The following SLC17A8 variants were observed in gnomAD, a reference collection of about 807,000 sequenced individuals.
SLC17A8 encodes vesicular glutamate transporter 3.
A neutral mutation model predicts 58.0 loss-of-function variants in SLC17A8; 31 were observed. The ratio of observed to expected loss-of-function variants is 0.53; its 90% CI spans 0.40 to 0.72. SLC17A8 has a LOEUF of 0.72. Ranked by LOEUF, SLC17A8 falls within the 30% of genes least tolerant of loss-of-function variation. The pLI, the probability that SLC17A8 is intolerant of heterozygous loss-of-function variation, is 0.00. For missense variants in SLC17A8, 655 were observed against 727.8 expected, an observed-to-expected ratio of 0.90 and a Z score of 1.15; for synonymous variants, 228 against 249.0, an observed-to-expected ratio of 0.92 and a Z score of 0.79.
In SLC17A8 at chr12:100,418,935, C is replaced by T. The variant is rs188632334; in HGVS notation, c.1425+779C>T. Among the ~76,000 whole-genome samples, 22 of 152,294 alleles carry T rather than the reference C, an allele frequency of 1.4e-4. No individual in the cohort carries two copies. In the East Asian group the frequency reaches 3.9e-3, roughly 27 times the overall value. ...AGAATTCATGTTTTCCATCTCTGTTCATGAAATGATAGGATTGATAACCTG... is the reference window on the plus strand; with the variant it reads ...AGAATTCATGTTTTCCATCTCTGTTTATGAAATGATAGGATTGATAACCTG... On this transcript the variant is annotated intron_variant, in intron 11 of 11. Transcript: ENST00000323346.
intron 5 of SLC17A8, among the ~76,000 whole-genome samples, chr12:100,400,549 C>T (rs914521675): frequency 2.0e-5 from 3 of 152,068 alleles, no homozygotes; most frequent in Non-Finnish European, 4.4e-5. Context: ...GGCCTTTCAC[C>T]GAGGGTCAGG....
chr12:100,375,914 T>C (rs1046797832), intron 1 of SLC17A8, among the ~76,000 whole-genome samples: 1 of 152,204 alleles, frequency 6.6e-6, no homozygotes, highest in Non-Finnish European at 1.5e-5. Flanking sequence ...AAATTCATTA[T>C]GGTGAAATTC....
chr12:100,413,554 G>T (rs1421287738), intron 10 of SLC17A8, among the ~76,000 whole-genome samples: 1 of 152,136 alleles, frequency 6.6e-6, no homozygotes, highest in Non-Finnish European at 1.5e-5. Flanking sequence ...CCATTTTACA[G>T]GAGCAGAAAC....
At chr12:100,393,068 T>C (rs1952727876) in intron 3 of SLC17A8, among the ~76,000 whole-genome samples, 1 of 152,126 alleles carries the variant, frequency 6.6e-6, no homozygotes, top group Non-Finnish European at 1.5e-5. Context: ...TAGCTTGGGG[T>C]GCACTAGACC....
intron 11 of SLC17A8, among the ~76,000 whole-genome samples, chr12:100,419,547 G>T (rs187654232): frequency 8.0e-5 from 12 of 150,806 alleles, no homozygotes; most frequent in Admixed American, 4.6e-4. Flanking sequence ...AAAAAAAAAA[G>T]AATTTTCTAA....
At chr12:100,386,651 A>G (rs1473215165) in intron 2 of SLC17A8, among the ~76,000 whole-genome samples, 5 of 151,852 alleles carry the variant, frequency 3.3e-5, no homozygotes. Flanking sequence ...TCTTCTTTAT[A>G]AAAGATGAAT....
chr12:100,401,846 C>T lies in SLC17A8; in HGVS notation c.746C>T (p.Ser249Phe), dbSNP rs1383445746. 1 of 1,613,774 alleles carries T rather than the reference C, an allele frequency of 6.2e-7. No homozygotes were observed. The highest frequency in any genetic ancestry group is 1.7e-5 in the Admixed American group (1 of 60,014). ...GVLVQYIGWS[S>F]VFYIYGMFGI... ...TTGGTGCAGTACATTGGATGGTCCT[C>T]TGTCTTTTATATTTATGGTGAGTGA... Residue 249 changes from serine (S) to phenylalanine (F), a missense_variant, in exon 6 of 12, where the codon TCT becomes TTT. By Grantham distance (155) the Ser-to-Phe change is radical. Transcript: ENST00000323346.
At position 100,393,394 on chromosome 12, in the gene SLC17A8, A is replaced by G; in HGVS notation, c.499A>G (p.Thr167Ala). 1 of 1,613,770 alleles carries G rather than the reference A, an allele frequency of 6.2e-7. No homozygotes were observed. The highest frequency in any genetic ancestry group is 8.5e-7 in the Non-Finnish European group (1 of 1,179,720). ...GGTCTTTGGAGCTGCCATCTTCTTA[A>G]CATCGACTCTGAACATGTTTATTCC... Reference protein sequence around the residue: ...NRVFGAAIFLTSTLNMFIPSA... With the variant: ...NRVFGAAIFLASTLNMFIPSA... The change falls in exon 4 of 12, where the codon ACA becomes GCA. Residue 167 changes from threonine to alanine, a missense_variant. By Grantham distance (58) the Thr-to-Ala change is moderately conservative. Coordinates refer to ENST00000323346, the MANE Select transcript of SLC17A8 (RefSeq NM_139319.3).
intron 1 of SLC17A8, among the ~76,000 whole-genome samples, chr12:100,379,454 A>G (rs1483166169): frequency 6.8e-6 from 1 of 146,434 alleles, no homozygotes; most frequent in Non-Finnish European, 1.5e-5. Context: ...AAAAAAAAGA[A>G]CCTGCCAAGG....
At chr12:100,369,974 A>G (rs1952547495) in intron 1 of SLC17A8, among the ~76,000 whole-genome samples, 1 of 152,252 alleles carries the variant, frequency 6.6e-6, no homozygotes, top group African/African-American at 2.4e-5. Flanking sequence ...TTGAGAGCCA[A>G]TTGTAGCCAT....
In SLC17A8 at chr12:100,368,737, T is replaced by C. The variant is rs557581771; in HGVS notation, c.101+11245T>C. 2.4e-4 allele frequency among the ~76,000 whole-genome samples: 36 copies of C among 152,284 alleles called. 1 individual carries two copies. The East Asian group carries it at 5.6e-3, about 24-fold the overall frequency. On this transcript the variant is annotated intron_variant, in intron 1 of 11. Coordinates refer to ENST00000323346, the MANE Select transcript of SLC17A8 (RefSeq NM_139319.3). Reference sequence around the variant, plus strand: ...GTTTATATTCTCTCCTTTTACAACTTCTCCCAAGTACTTTTACAACAATCA... The same window carrying C: ...GTTTATATTCTCTCCTTTTACAACTCCTCCCAAGTACTTTTACAACAATCA...
At chr12:100,409,548 G>T (rs74464318) in intron 9 of SLC17A8, among the ~76,000 whole-genome samples, 116 of 152,250 alleles carry the variant, frequency 7.6e-4, no homozygotes, top group African/African-American at 2.7e-3. Context: ...ATACAGTTTT[G>T]TGGGAGAGGC....
At chr12:100,412,132 T>C (rs948054019) in intron 9 of SLC17A8, among the ~76,000 whole-genome samples, 6 of 152,152 alleles carry the variant, frequency 3.9e-5, no homozygotes, top group Non-Finnish European at 1.5e-5. Context: ...ATGAAGCAAC[T>C]AATAATTAAC....
chr12:100,404,830 CAG>C lies in SLC17A8; in HGVS notation c.1186+663_1186+664del, dbSNP rs34949063. 2.7e-4 allele frequency among the ~76,000 whole-genome samples: 41 copies of C among 152,264 alleles called. 1 individual carries two copies. In the East Asian group the frequency reaches 6.4e-3, roughly 24 times the overall value. On this transcript the variant is annotated intron_variant, in intron 9 of 11. Coordinates refer to ENST00000323346, the MANE Select transcript of SLC17A8 (RefSeq NM_139319.3). ...CTATATGCAATTTGCAATGAGGAAA[CAG>C]AGGTAAAATAAAGGGACTTGCTCAA...
intron 1 of SLC17A8, among the ~76,000 whole-genome samples, chr12:100,370,612 T>TA (rs61103377): frequency 0.03 from 3,864 of 126,882 alleles, 66 homozygotes; most frequent in African/African-American, 0.049. Context: ...ATCTAAATTC[T>TA]AAAAAAAAAA....
chr12:100,385,779 A>G (rs984724509), intron 2 of SLC17A8, among the ~76,000 whole-genome samples: 14 of 152,216 alleles, frequency 9.2e-5, no homozygotes, highest in African/African-American at 3.4e-4. Context: ...CTGCCGTAAC[A>G]TATTACCACA....
chr12:100,374,935 C>T (rs916117959), intron 1 of SLC17A8, among the ~76,000 whole-genome samples: 2 of 151,932 alleles, frequency 1.3e-5, no homozygotes, highest in African/African-American at 4.8e-5. Flanking sequence ...GCTGTAGGTC[C>T]TGCTTCTTGT....
chr12:100,381,616 T>G (rs1193546873), intron 2 of SLC17A8, among the ~76,000 whole-genome samples: 2 of 152,056 alleles, frequency 1.3e-5, no homozygotes, highest in Admixed American at 1.3e-4. Context: ...TGTAGGTATA[T>G]TTTAGGAACT....
At chr12:100,381,768 A>C (rs1350440916) in intron 2 of SLC17A8, among the ~76,000 whole-genome samples, 1 of 152,220 alleles carries the variant, frequency 6.6e-6, no homozygotes, top group African/African-American at 2.4e-5. Context: ...ATAAATACCA[A>C]AACATTTAAA....
Sources: allele counts gnomAD v4.1 joint callset (sites outside exome capture counted in the v4.1 genomes callset), GRCh38; gene constraint gnomAD v4.1.1; transcripts MANE v1.5; gene names NCBI Gene and HGNC (gene_info 2026-07-23, HGNC 2026-07-21).